Variants in HUWE1 observed in about 807,000 individuals in gnomAD.
The protein encoded by HUWE1 is E3 ubiquitin-protein ligase HUWE1.
In HUWE1, 18 loss-of-function variants were observed where a neutral mutation model predicts 299.4. The ratio of observed to expected loss-of-function variants is 0.06; its 90% CI spans 0.04 to 0.09. HUWE1 has a LOEUF of 0.09. Among genes scored for constraint, HUWE1 ranks in the 10% least tolerant of loss-of-function variants. HUWE1 has a pLI of 1.00. For missense variants in HUWE1, 1,832 were observed against 3,462.3 expected, an observed-to-expected ratio of 0.53 and a Z score of 11.82; for synonymous variants, 1,317 against 1,286.1, an observed-to-expected ratio of 1.02 and a Z score of -0.51.
At chrX:53,682,017 G>GA (rs1419222908) in intron 2 of HUWE1, among the ~76,000 whole-genome samples, 1 of 110,146 alleles carries the variant, frequency 9.1e-6, no homozygotes, top group African/African-American at 3.3e-5. Flanking sequence ...GGCCTATGAG[G>GA]AAAAAAAATA....
At chrX:53,556,431 C>T (rs1556934953) in intron 60 of HUWE1, 1 of 316,321 alleles carries the variant, frequency 3.2e-6, no homozygotes, top group Non-Finnish European at 6.1e-6. Flanking sequence ...AAGGCATCTA[C>T]CCTACTTCAC....
chrX:53,627,846 T>C lies in HUWE1; in HGVS notation c.1276A>G (p.Ile426Val). The C allele has an allele frequency of 8.3e-7, 1 of 1,209,990 alleles. No homozygotes were observed. Among genetic ancestry groups the C allele is most frequent in the Non-Finnish European group, 1.1e-6 (1 of 893,906 alleles). Residue 426 changes from isoleucine (I) to valine (V), a missense_variant, in exon 16 of 84, where the codon ATA becomes GTA. Transcript: ENST00000262854. ...CTGACGGCTCTGGTGACAAATGTTA[T>C]CTGGTCCTGTTCATCGCCAAGAAAC... ...IKFLGDEQDQ[I>V]TFVTRAVRVV...
intron 4 of HUWE1, among the ~76,000 whole-genome samples, chrX:53,648,540 C>CAA (rs200558034): frequency 1.6e-4 from 14 of 85,720 alleles, no homozygotes; most frequent in African/African-American, 9.0e-4. Context: ...CAAAAAAAAA[C>CAA]AAAAAAAAAC....
chrX:53,648,167 A>G, intron 5 of HUWE1, 45 bp downstream of exon 5: 2 of 813,867 alleles, frequency 2.5e-6, no homozygotes, highest in Non-Finnish European at 3.7e-6. Flanking sequence ...AAAATGATGT[A>G]TTAGTATGGT....
intron 26 of HUWE1, 137 bp downstream of exon 26, chrX:53,604,452 C>T: frequency 1.5e-6 from 1 of 677,024 alleles, no homozygotes; most frequent in East Asian, 3.4e-5. Flanking sequence ...TCAAAAAAAT[C>T]TCATCCTAAA....
At chrX:53,571,975 G>A (rs370074687) in intron 47 of HUWE1, among the ~76,000 whole-genome samples, 9 of 111,876 alleles carry the variant, frequency 8.0e-5, no homozygotes, top group African/African-American at 2.3e-4. Context: ...GGTAGTTCAC[G>A]AACTTATATA....
chrX:53,589,953 G>A (rs782264024), intron 35 of HUWE1, 137 bp from the exon 36 acceptor site: 2 of 676,948 alleles, frequency 3.0e-6, no homozygotes, highest in East Asian at 7.1e-5. Context: ...CTTTCATCCA[G>A]GATGTGGCAG....
intron 73 of HUWE1, chrX:53,542,809 C>G (rs2061395631): frequency 8.6e-6 from 3 of 349,012 alleles, no homozygotes; most frequent in Non-Finnish European, 5.1e-6. Context: ...CCAGTCAGAA[C>G]TAGCCTCCTG....
At chrX:53,654,292 G>A (rs1557041900) in intron 3 of HUWE1, among the ~76,000 whole-genome samples, 161 bp from the exon 4 acceptor site, 1 of 112,028 alleles carries the variant, frequency 8.9e-6, no homozygotes, top group African/African-American at 3.2e-5. Flanking sequence ...CAGCTATCAG[G>A]TAGAGAGAGG....
chrX:53,627,559 ATATATTTTTT>A (rs1569499562), intron 16 of HUWE1, 44 bp from the exon 17 acceptor site: 1 of 757,470 alleles, frequency 1.3e-6, no homozygotes, highest in Non-Finnish European at 1.9e-6. Flanking sequence ...GTATATATAT[ATATATTTTTT>A]TTTTCAGGGA....
chrX:53,685,083 T>C (rs1481693643), intron 2 of HUWE1, among the ~76,000 whole-genome samples: 4 of 112,532 alleles, frequency 3.6e-5, no homozygotes, highest in Non-Finnish European at 7.5e-5. Context: ...TCTGGCTTGA[T>C]TTGTGGGCTT....
chrX:53,645,284 C>A (rs1569507742), intron 7 of HUWE1, 27 bp downstream of exon 7: 3 of 1,207,882 alleles, frequency 2.5e-6, no homozygotes, highest in Non-Finnish European at 3.4e-6. Context: ...ATTTTTGCAC[C>A]CCTCCAACTC....
chrX:53,551,803 G>A (rs782455454), intron 63 of HUWE1, among the ~76,000 whole-genome samples: 28 of 111,512 alleles, frequency 2.5e-4, no homozygotes, highest in Admixed American at 5.7e-4. Flanking sequence ...ACGAGCCACC[G>A]CGCCCAGCCT....
At chrX:53,578,254 G>A (rs1455945384) in intron 43 of HUWE1, among the ~76,000 whole-genome samples, 33 of 96,150 alleles carry the variant, frequency 3.4e-4, no homozygotes, top group South Asian at 5.1e-4. Flanking sequence ...CCCGGCCGCC[G>A]CCCCGTCTGA....
At position 53,538,277 on chromosome X, in the gene HUWE1, C is replaced by T. The variant is rs1005666341; in HGVS notation, c.11996+60G>A. On this transcript the variant is annotated intron_variant, in intron 77 of 83. Transcript: ENST00000262854. ...GTGGCCTCAAGAGTAACTTCAGAGG[C>T]GAGTTACCATTTGGGGAGTTCTCAC... 7 of 790,033 alleles carry T rather than the reference C, an allele frequency of 8.9e-6. No homozygotes were observed. The East Asian group carries it at 9.5e-5, about 11-fold the overall frequency. The allele number at this position is 790,033 out of a possible 1,213,427, so 65.1% of individuals were successfully genotyped here. A position where few individuals can be genotyped will look rare whatever the true frequency, so the allele number is the denominator to read the frequency against.
chrX:53,589,159 TA>T (rs2064017549), intron 36 of HUWE1, among the ~76,000 whole-genome samples: 1 of 112,128 alleles, frequency 8.9e-6, no homozygotes, highest in South Asian at 3.7e-4. Flanking sequence ...CATAATTTCA[TA>T]ATGAGAGAAA....
chrX:53,616,549 C>T (rs1193416251), intron 21 of HUWE1, among the ~76,000 whole-genome samples: 1 of 111,516 alleles, frequency 9.0e-6, no homozygotes, highest in Non-Finnish European at 1.9e-5. Context: ...TGGAGCCCTA[C>T]CTTTTTGCTA....
In HUWE1 at chrX:53,617,320, G is replaced by C; in HGVS notation, c.1779+20C>G. On this transcript the variant is annotated intron_variant, in intron 20 of 83. Transcript: ENST00000262854. ...TTCACGCCCTAAGACATTCTTTACA[G>C]AGTAGCAGAAAAGACTTACATCTTT... 1 of 1,084,657 alleles carries C rather than the reference G, an allele frequency of 9.2e-7. No individual in the cohort carries two copies. Among genetic ancestry groups the C allele is most frequent in the Non-Finnish European group, 1.3e-6 (1 of 784,866 alleles). 89.4% of individuals were successfully genotyped at this position (1,084,657 alleles called of 1,213,427 possible).
At chrX:53,548,856 A>G in intron 67 of HUWE1, 103 bp downstream of exon 67, 1 of 707,050 alleles carries the variant, frequency 1.4e-6, no homozygotes, top group Non-Finnish European at 2.2e-6. Context: ...AACACTTAAA[A>G]TAAGAGCAAA....
Sources: gnomAD v4.1 joint callset for allele counts (sites outside exome capture counted in the v4.1 genomes callset) on GRCh38, gnomAD v4.1.1 for gene constraint, MANE v1.5 for transcripts, NCBI Gene and HGNC (gene_info 2026-07-23, HGNC 2026-07-21) for gene names.